TCERG1L: variants seen among roughly 807,000 people sequenced by gnomAD.
TCERG1L encodes transcription elongation regulator 1-like protein.
In TCERG1L, 37 loss-of-function variants were observed where a neutral mutation model predicts 56.3. That is an observed-to-expected ratio of 0.66 (90% CI 0.51 to 0.87). The LOEUF (loss-of-function observed/expected upper bound fraction) is 0.87, where lower values mean the gene tolerates loss of function less well. Ranked by LOEUF, TCERG1L falls within the 40% of genes least tolerant of loss-of-function variation. TCERG1L has a pLI of 0.00. For synonymous variants in TCERG1L, 324 were observed against 326.3 expected, an observed-to-expected ratio of 0.99 and a Z score of 0.08; for missense variants, 799 against 774.2, an observed-to-expected ratio of 1.03 and a Z score of -0.38.
At chr10:131,205,671 C>T (rs1303387914) in intron 4 of TCERG1L, among the ~76,000 whole-genome samples, 2 of 152,242 alleles carry the variant, frequency 1.3e-5, no homozygotes, top group Non-Finnish European at 2.9e-5. Context: ...TGGGGCCACC[C>T]TGGCATCTCT....
Position 131,260,245 on chromosome 10 carries a change from C to T in TCERG1L, c.856+14G>A, listed in dbSNP as rs763659410. ...AAGGCAGCACCAGGCGTCGGGACGGCGCTCCGAGCCTACCTGAGACGGGGG... is the reference window on the plus strand; with the variant it reads ...AAGGCAGCACCAGGCGTCGGGACGGTGCTCCGAGCCTACCTGAGACGGGGG... On this transcript the variant is annotated intron_variant, in intron 4 of 11. Transcript: ENST00000368642. The surrounding 1 kb of genome is among the most constrained non-coding windows in gnomAD (Gnocchi z 5.8). The T allele has an allele frequency of 5.2e-5, 70 of 1,348,918 alleles. No homozygotes were observed. The East Asian group carries it at 8.7e-4, about 17-fold the overall frequency. 83.6% of individuals were successfully genotyped at this position (1,348,918 alleles called of 1,614,324 possible).
intron 3 of TCERG1L, among the ~76,000 whole-genome samples, chr10:131,291,396 C>CCTTTTTTTTT (rs1167056441): frequency 1.5e-5 from 1 of 67,698 alleles, no homozygotes; most frequent in Non-Finnish European, 2.8e-5. Context: ...CCATAAACAG[C>CCTTTTTTTTT]ATTTCTTTTT....
chr10:131,150,364 G>C (rs911485951), intron 6 of TCERG1L, among the ~76,000 whole-genome samples: 4 of 152,208 alleles, frequency 2.6e-5, no homozygotes, highest in African/African-American at 9.6e-5. Flanking sequence ...TTCACTAAGA[G>C]CTGCTAGGTG....
intron 3 of TCERG1L, among the ~76,000 whole-genome samples, chr10:131,282,354 A>G (rs1846469226): frequency 6.6e-6 from 1 of 152,188 alleles, no homozygotes; most frequent in South Asian, 2.1e-4. Context: ...TGTTTTAGAA[A>G]CAGACATTAT....
At chr10:131,248,189 AAC>A (rs1205133536) in intron 4 of TCERG1L, among the ~76,000 whole-genome samples, 13 of 141,776 alleles carry the variant, frequency 9.2e-5, no homozygotes, top group South Asian at 2.2e-4. Flanking sequence ...GACACACACA[AAC>A]ACACACTACT....
intron 4 of TCERG1L, among the ~76,000 whole-genome samples, chr10:131,201,133 T>C (rs1334084114): frequency 2.6e-5 from 4 of 152,200 alleles, no homozygotes; most frequent in Admixed American, 6.5e-5. Flanking sequence ...AGGGGACACA[T>C]TGGAACCATC....
At chr10:131,148,385 CACAT>C (rs996605940) in intron 6 of TCERG1L, among the ~76,000 whole-genome samples, 6 of 147,990 alleles carry the variant, frequency 4.1e-5, no homozygotes, top group African/African-American at 1.5e-4. Context: ...TAGAGACACA[CACAT>C]AAACACACAG....
rs757435830 is a variant in TCERG1L, at chr10:131,134,438, G to A, written c.1200C>T (p.Ser400=). 9 of 1,590,800 alleles carry A rather than the reference G, an allele frequency of 5.7e-6. No homozygotes were observed. The highest frequency in any genetic ancestry group is 1.8e-5 in the Admixed American group (1 of 56,864). The change falls in exon 8 of 12, where the codon AGC becomes AGT. Residue 400 remains serine (S), a synonymous_variant. Transcript: ENST00000368642. ...RKLEAPATDN[S]DGSSSEDNRE... ...TGTTGTCTTCAGAACTGGACCCATC[G>A]CTGTTGTCAGCTGAAAGAAAATCAG...
At chr10:131,282,893 A>G (rs1476402095) in intron 3 of TCERG1L, among the ~76,000 whole-genome samples, 1 of 152,232 alleles carries the variant, frequency 6.6e-6, no homozygotes. Context: ...TTTTATCATA[A>G]CATTACTTCT....
chr10:131,101,307 C>T lies in TCERG1L; in HGVS notation c.1486-2883G>A, dbSNP rs141075414. ...GTCCATCCAGCAAGCAGACTGGGCC[C>T]CTGTGTTCCCAGCTGTTCTAAGAGA... On this transcript the variant is annotated intron_variant, in intron 10 of 11. Coordinates refer to ENST00000368642, the MANE Select transcript of TCERG1L (RefSeq NM_174937.4). 2.2e-3 allele frequency among the ~76,000 whole-genome samples: 339 copies of T among 152,318 alleles called. 1 individual carries two copies. Among genetic ancestry groups the T allele is most frequent in the African/African-American group, 7.9e-3 (328 of 41,576 alleles).
intron 4 of TCERG1L, among the ~76,000 whole-genome samples, chr10:131,213,034 C>T (rs1286936662): frequency 2.0e-5 from 3 of 152,236 alleles, no homozygotes; most frequent in African/African-American, 7.2e-5. Context: ...CTCTCTGCCC[C>T]ATCAGGCAGG....
In TCERG1L at chr10:131,227,526, G is replaced by A. The variant is rs118061015; in HGVS notation, c.856+32733C>T. Among the ~76,000 whole-genome samples, 238 of 152,284 alleles carry A rather than the reference G, an allele frequency of 1.6e-3. 4 individuals are homozygous for A. The East Asian group carries it at 0.034, about 22-fold the overall frequency. The stretch of plus-strand genomic sequence containing the variant: ...ACACACCTAATATAGACCTGAGATA[G>A]CAAACACCTGCCAGGAATGTCCCAC... On this transcript the variant is annotated intron_variant, in intron 4 of 11. Coordinates refer to ENST00000368642, the MANE Select transcript of TCERG1L (RefSeq NM_174937.4).
At chr10:131,233,546 ATTT>A (rs1365992608) in intron 4 of TCERG1L, among the ~76,000 whole-genome samples, 2 of 151,994 alleles carry the variant, frequency 1.3e-5, no homozygotes, top group Non-Finnish European at 2.9e-5. Context: ...CTTTTGTTTC[ATTT>A]CTACAGTTTA....
intron 4 of TCERG1L, among the ~76,000 whole-genome samples, chr10:131,192,719 C>T (rs1344714236): frequency 6.9e-6 from 1 of 144,484 alleles, no homozygotes; most frequent in African/African-American, 2.6e-5. Flanking sequence ...TTGGATGGAG[C>T]TGGAGTCCAT....
intron 7 of TCERG1L, among the ~76,000 whole-genome samples, chr10:131,141,774 A>G (rs1359176761): frequency 6.6e-6 from 1 of 152,066 alleles, no homozygotes; most frequent in Middle Eastern, 3.2e-3. Context: ...CTATTCTAGC[A>G]TCTCTCTTTC....
At chr10:131,221,161 G>A (rs11017826) in intron 4 of TCERG1L, among the ~76,000 whole-genome samples, 7,835 of 152,270 alleles carry the variant, frequency 0.051, 320 homozygotes, top group East Asian at 0.18. Flanking sequence ...CAGGCCACAG[G>A]GGCAGCCCAG....
chr10:131,307,548 TATAAA>T (rs993113703), intron 3 of TCERG1L, among the ~76,000 whole-genome samples: 42 of 152,238 alleles, frequency 2.8e-4, no homozygotes, highest in Admixed American at 6.5e-4. Flanking sequence ...CATTTGCTTT[TATAAA>T]ATGATCCACA....
At chr10:131,199,604 G>A (rs530271255) in intron 4 of TCERG1L, among the ~76,000 whole-genome samples, 5 of 152,284 alleles carry the variant, frequency 3.3e-5, no homozygotes, top group East Asian at 1.9e-4. Flanking sequence ...TAACAGGCCT[G>A]TTAAATGGGC....
chr10:131,094,821 C>T (rs373055353), intron 11 of TCERG1L, among the ~76,000 whole-genome samples: 41 of 152,198 alleles, frequency 2.7e-4, no homozygotes, highest in African/African-American at 5.8e-4. Flanking sequence ...ATGAGTCAAA[C>T]GGTCAGACTT....
Sources: allele counts gnomAD v4.1 joint callset (sites outside exome capture counted in the v4.1 genomes callset), GRCh38; gene constraint gnomAD v4.1.1; non-coding constraint Gnocchi (gnomAD v3.1); transcripts MANE v1.5; gene names NCBI Gene and HGNC (gene_info 2026-07-23, HGNC 2026-07-21).